Variants in GDNF observed in about 807,000 individuals in gnomAD.
The protein encoded by GDNF is glial cell line-derived neurotrophic factor.
Under a neutral mutation model 13.7 loss-of-function variants are expected in GDNF, and 5 were observed. The ratio of observed to expected loss-of-function variants is 0.36; its 90% CI spans 0.19 to 0.77. GDNF has a LOEUF of 0.77. GDNF is among the 30% of genes least tolerant of loss of function. The pLI, the probability that GDNF is intolerant of heterozygous loss-of-function variation, is 0.51. For missense variants in GDNF, 246 were observed against 274.3 expected (o/e 0.90, Z 0.73); for synonymous variants, 122 against 112.5 (o/e 1.08, Z -0.53).
intron 2 of GDNF, among the ~76,000 whole-genome samples, chr5:37,829,214 C>T (rs1156246606): frequency 6.6e-6 from 1 of 152,228 alleles, no homozygotes; most frequent in Non-Finnish European, 1.5e-5. Context: ...TTCCCCACAT[C>T]ATGGTCACAA....
At chr5:37,823,494 A>AG (rs1221050973) in intron 2 of GDNF, 1 of 152,222 alleles carries the variant, frequency 6.6e-6, no homozygotes, top group East Asian at 1.9e-4. Context: ...AAAAAGGAAA[A>AG]GCCATGCTAC....
In GDNF at chr5:37,816,108, T is replaced by G. The variant is rs753078807; in HGVS notation, c.179A>C (p.Gln60Pro). The G allele has an allele frequency of 4.3e-6, 7 of 1,613,242 alleles. No individual in the cohort carries two copies. In the African/African-American group the frequency reaches 6.7e-5, roughly 15 times the overall value. Residue 60 changes from glutamine to proline, a missense_variant, in exon 3 of 3, where the codon CAG (glutamine) becomes CCG (proline). By Grantham distance (76) the Gln-to-Pro change is moderately conservative. Coordinates refer to ENST00000326524, the MANE Select transcript of GDNF (RefSeq NM_000514.4). ...AATAAAATCCATGACATCATCGAACTGATCAGGATAATCCTCTGGCATATT... is the reference window on the plus strand; with the variant it reads ...AATAAAATCCATGACATCATCGAACGGATCAGGATAATCCTCTGGCATATT... The part of the protein sequence containing the change: ...DSNMPEDYPD[Q>P]FDDVMDFIQA...
intron 2 of GDNF, among the ~76,000 whole-genome samples, chr5:37,834,036 C>A (rs1248986231): frequency 6.6e-6 from 1 of 152,210 alleles, no homozygotes; most frequent in Non-Finnish European, 1.5e-5. Flanking sequence ...CTAGTCCCAG[C>A]CAGCACTATT....
chr5:37,835,119 C>A (rs1750658258), intron 1 of GDNF, among the ~76,000 whole-genome samples: 1 of 151,824 alleles, frequency 6.6e-6, no homozygotes, highest in South Asian at 2.1e-4. Flanking sequence ...CAGTTAACCC[C>A]CCACCCCCAC....
intron 2 of GDNF, among the ~76,000 whole-genome samples, chr5:37,832,086 T>C (rs1213544230): frequency 6.6e-6 from 1 of 152,232 alleles, no homozygotes; most frequent in African/African-American, 2.4e-5. Flanking sequence ...GCGGAACACA[T>C]GCAATCTTAA....
At chr5:37,835,291 A>C in intron 1 of GDNF, 1 of 446,020 alleles carries the variant, frequency 2.2e-6, no homozygotes, top group Non-Finnish European at 3.8e-6. Flanking sequence ...CGGCCCAAGC[A>C]AGGACGGTGT....
chr5:37,823,021 T>C (rs1750194648), intron 2 of GDNF, among the ~76,000 whole-genome samples: 1 of 152,248 alleles, frequency 6.6e-6, no homozygotes, highest in South Asian at 2.1e-4. Flanking sequence ...GATAAGAGCT[T>C]CCTTGAAGCA....
rs965423514 is a variant in GDNF, at chr5:37,839,378, T to A, written c.-27+129A>T. 6.6e-6 allele frequency: 1 copy of A among 152,290 alleles called. No homozygotes were observed. The highest frequency in any genetic ancestry group is 2.4e-5 in the African/African-American group (1 of 41,468). The allele number at this position is 152,290 out of a possible 1,614,324, so 9.4% of individuals were successfully genotyped here. ...CTTAGGTTCCCTCTAGTCTTTCCAC[T>A]TTCTACTCTCACCGTTTGCTCTGGG... On this transcript the variant is annotated intron_variant, in intron 1 of 2. Transcript: ENST00000326524. The surrounding 1 kb of genome is among the most constrained non-coding windows in gnomAD (Gnocchi z 5.5).
At chr5:37,836,579 A>C (rs1180824223) in intron 1 of GDNF, among the ~76,000 whole-genome samples, 1 of 152,222 alleles carries the variant, frequency 6.6e-6, no homozygotes, top group Non-Finnish European at 1.5e-5. Context: ...GTGCAGACAC[A>C]GGAAAACTGC....
intron 2 of GDNF, among the ~76,000 whole-genome samples, chr5:37,822,900 T>C (rs537675796): frequency 6.6e-6 from 1 of 152,362 alleles, no homozygotes; most frequent in Non-Finnish European, 1.5e-5. Flanking sequence ...TTCTATATGT[T>C]ACAAACATGA....
chr5:37,833,505 G>C (rs765174145), intron 2 of GDNF, among the ~76,000 whole-genome samples: 19 of 152,166 alleles, frequency 1.2e-4, no homozygotes, highest in Non-Finnish European at 2.4e-4. Flanking sequence ...AGGTGCTTTT[G>C]TTGCTATAAT....
chr5:37,835,486 T>A, intron 1 of GDNF: 1 of 1,483,536 alleles, frequency 6.7e-7, no homozygotes, highest in Non-Finnish European at 9.0e-7. Flanking sequence ...ACTTTTGGCC[T>A]GTATGGGATA....
At chr5:37,833,226 C>G (rs1310078631) in intron 2 of GDNF, among the ~76,000 whole-genome samples, 2 of 152,168 alleles carry the variant, frequency 1.3e-5, no homozygotes, top group Non-Finnish European at 2.9e-5. Flanking sequence ...TCCCTCTTGT[C>G]TAGACCGTTT....
At chr5:37,833,977 T>C (rs1028286528) in intron 2 of GDNF, among the ~76,000 whole-genome samples, 10 of 152,258 alleles carry the variant, frequency 6.6e-5, no homozygotes, top group Admixed American at 4.6e-4. Flanking sequence ...TGGGTTTTTT[T>C]CTCAAGAGTT....
At chr5:37,833,855 G>T (rs543052037) in intron 2 of GDNF, among the ~76,000 whole-genome samples, 15 of 152,346 alleles carry the variant, frequency 9.8e-5, no homozygotes, top group African/African-American at 3.6e-4. Flanking sequence ...CTTCTGAGGA[G>T]TGGAGGGAAA....
chr5:37,835,645 G>A (rs1750677947), intron 1 of GDNF: 3 of 1,550,404 alleles, frequency 1.9e-6, no homozygotes, highest in Admixed American at 2.0e-5. Context: ...ATTGCTGTTA[G>A]GCAAAGACTG....
At chr5:37,821,823 G>A (rs1750151274) in intron 2 of GDNF, among the ~76,000 whole-genome samples, 2 of 152,200 alleles carry the variant, frequency 1.3e-5, no homozygotes, top group African/African-American at 2.4e-5. Context: ...AGGAACAATG[G>A]TGAGGGCTCC....
rs750494825 is a variant in GDNF at position 37,815,974 on chromosome 5, C to T, written c.313G>A (p.Gly105Arg). The T allele has an allele frequency of 1.3e-5, 21 of 1,613,980 alleles. No individual in the cohort carries two copies. Among genetic ancestry groups the T allele is most frequent in the East Asian group, 2.2e-5 (1 of 44,892 alleles). ...CCCCTCTGGCCTCTCCGACCTTTTCCTCTGGAATTCTCTGGGTTGGCAGCT... is the reference window on the plus strand; with the variant it reads ...CCCCTCTGGCCTCTCCGACCTTTTCTTCTGGAATTCTCTGGGTTGGCAGCT... The part of the protein sequence containing the change: ...AAAANPENSR[G>R]KGRRGQRGKN... The change falls in exon 3 of 3, where the codon GGA (glycine) becomes AGA (arginine). Residue 105 changes from glycine to arginine, a missense_variant. Transcript: ENST00000326524. The surrounding 1 kb of genome is among the most constrained non-coding windows in gnomAD (Gnocchi z 5.0).
rs138764920 is a variant in GDNF at position 37,819,778 on chromosome 5, C to A, written c.152-3643G>T. On this transcript the variant is annotated intron_variant, in intron 2 of 2. Coordinates refer to ENST00000326524, the MANE Select transcript of GDNF (RefSeq NM_000514.4). ...AAGAGTGCTCTTAATTTGTCCTTTC[C>A]TTTGTACTGCTTTCTCACTGAACTT... 2.5e-3 allele frequency among the ~76,000 whole-genome samples: 386 copies of A among 152,212 alleles called. 2 individuals are homozygous for A. The highest frequency in any genetic ancestry group is 8.9e-3 in the African/African-American group (369 of 41,538).
Sources: gnomAD v4.1 joint callset for allele counts (sites outside exome capture counted in the v4.1 genomes callset) on GRCh38, gnomAD v4.1.1 for gene constraint, Gnocchi (gnomAD v3.1) non-coding constraint, MANE v1.5 for transcripts, NCBI Gene and HGNC (gene_info 2026-07-23, HGNC 2026-07-21) for gene names.